The following BTK variants were observed in gnomAD, a reference collection of about 807,000 sequenced individuals.
The protein encoded by BTK is tyrosine-protein kinase BTK.
A neutral mutation model predicts 57.4 loss-of-function variants in BTK; 5 were observed. The observed-to-expected ratio is 0.09, with a 90% confidence interval of 0.05 to 0.18. The LOEUF is 0.18. BTK is among the 10% of genes least tolerant of loss of function. BTK has a pLI of 1.00. For missense variants in BTK, 194 were observed against 501.2 expected, an observed-to-expected ratio of 0.39 and a Z score of 5.85; for synonymous variants, 154 against 174.3, an observed-to-expected ratio of 0.88 and a Z score of 0.92.
chrX:101,380,217 C>T (rs1927367360), intron 1 of BTK, among the ~76,000 whole-genome samples: 1 of 111,542 alleles, frequency 9.0e-6, no homozygotes, highest in Admixed American at 9.6e-5. Flanking sequence ...AGCGATCCTC[C>T]TGCCTCAGCC....
At chrX:101,359,212 G>T in intron 10 of BTK, 81 bp downstream of exon 10, 3 of 1,055,469 alleles carry the variant, frequency 2.8e-6, no homozygotes, top group Non-Finnish European at 4.0e-6. Context: ...CTTGCCCAAA[G>T]GTAGGGGGCA....
upstream of BTK, among the ~76,000 whole-genome samples, chrX:101,389,074 A>G (rs1927703397): frequency 9.0e-6 from 1 of 111,615 alleles, no homozygotes; most frequent in Non-Finnish European, 1.9e-5. Context: ...ATAGTTAATA[A>G]TACTGTATTA....
At chrX:101,350,432 G>T (rs1602999026) in intron 18 of BTK, among the ~76,000 whole-genome samples, 2 of 87,617 alleles carry the variant, frequency 2.3e-5, no homozygotes, top group Admixed American at 1.3e-4. Flanking sequence ...TTTACCACTG[G>T]TAACAAAAAG....
chrX:101,359,223 G>A (rs1555978264), intron 10 of BTK, 70 bp downstream of exon 10: 5 of 1,121,434 alleles, frequency 4.5e-6, no homozygotes, highest in Non-Finnish European at 6.2e-6. Flanking sequence ...GTAGGGGGCA[G>A]AACAGGCCCT....
chrX:101,376,350 C>T (rs1927212785), intron 1 of BTK, among the ~76,000 whole-genome samples: 1 of 111,833 alleles, frequency 8.9e-6, no homozygotes, highest in African/African-American at 3.3e-5. Flanking sequence ...AACACTAGGC[C>T]GGCGCGGTGG....
At chrX:101,390,507 A>G, upstream of BTK, 1 of 515,581 alleles carries the variant, frequency 1.9e-6, no homozygotes, top group Middle Eastern at 3.1e-4. Flanking sequence ...CTGCCACATA[A>G]TGGGCATCCA....
rs1157090775 is a variant in BTK at position 101,354,534 on chromosome X, AAAAG to A, written c.1631+92_1631+95del. 19 of 951,440 alleles carry A rather than the reference AAAAG, an allele frequency of 2.0e-5. No individual in the cohort carries two copies. In the African/African-American group the frequency reaches 3.3e-4, roughly 17 times the overall value. The allele number at this position is 951,440 out of a possible 1,213,427, so 78.4% of individuals were successfully genotyped here. A position where few individuals can be genotyped will look rare whatever the true frequency, so the allele number is the denominator to read the frequency against. ...GGCAGAAAACGCTAGAATGAGAAAAAAAAGAAAAGGAGAGGATTAAAACTGTAAC... is the reference window on the plus strand; with the variant it reads ...GGCAGAAAACGCTAGAATGAGAAAAAAAAAGGAGAGGATTAAAACTGTAAC... On this transcript the variant is annotated intron_variant, in intron 16 of 18. Coordinates refer to ENST00000308731, the MANE Select transcript of BTK (RefSeq NM_000061.3).
intron 13 of BTK, 35 bp downstream of exon 13, chrX:101,357,474 C>G (rs374740187): frequency 5.1e-6 from 6 of 1,179,355 alleles, no homozygotes; most frequent in Non-Finnish European, 6.9e-6. Context: ...TTGCAACTGG[C>G]CAGTCCACCC....
chrX:101,370,162 A>G (rs1926980965), intron 4 of BTK, 83 bp from the exon 5 acceptor site: 27 of 762,081 alleles, frequency 3.5e-5, no homozygotes, highest in Middle Eastern at 5.9e-4. Flanking sequence ...CTTAGGGGAC[A>G]ATTTGTATAT....
At chrX:101,371,212 C>T (rs1248056003) in intron 4 of BTK, among the ~76,000 whole-genome samples, 1 of 112,094 alleles carries the variant, frequency 8.9e-6, no homozygotes, top group African/African-American at 3.2e-5. Flanking sequence ...TAGGTTTATG[C>T]ATAAGTCTAA....
chrX:101,355,574 A>AT, intron 15 of BTK: 1 of 120,650 alleles, frequency 8.3e-6, no homozygotes, highest in Non-Finnish European at 1.7e-5. Flanking sequence ...GAGAAGCTGG[A>AT]AATTCCAGGG....
chrX:101,370,787 A>G (rs1319183412), intron 4 of BTK, among the ~76,000 whole-genome samples: 1 of 112,454 alleles, frequency 8.9e-6, no homozygotes, highest in African/African-American at 3.2e-5. Context: ...TAAATTCTGA[A>G]GTCAAATATA....
At chrX:101,372,234 G>C (rs1372168767) in intron 3 of BTK, among the ~76,000 whole-genome samples, 2 of 111,532 alleles carry the variant, frequency 1.8e-5, no homozygotes, top group Non-Finnish European at 3.8e-5. Context: ...AAAATTGAAA[G>C]ATAAAGGATA....
chrX:101,362,378 A>G (rs1420425316), intron 6 of BTK, 138 bp from the exon 7 acceptor site: 2 of 974,164 alleles, frequency 2.1e-6, no homozygotes, highest in African/African-American at 3.8e-5. Flanking sequence ...GCCAGGTCAC[A>G]TAGCTTGGAG....
chrX:101,356,447 G>C (rs1287253965), intron 14 of BTK, 179 bp from the exon 15 acceptor site: 2 of 461,334 alleles, frequency 4.3e-6, no homozygotes, highest in African/African-American at 4.9e-5. Context: ...GAAGCAAGCA[G>C]GGATTTGGAG....
At chrX:101,351,371 GATAAAGTACC>G (rs1463977783) in intron 18 of BTK, among the ~76,000 whole-genome samples, 1 of 111,851 alleles carries the variant, frequency 8.9e-6, no homozygotes, top group Non-Finnish European at 1.9e-5. Flanking sequence ...ACAGGCTGTG[GATAAAGTACC>G]TGTCTGAAAT....
chrX:101,372,982 G>A lies in BTK; in HGVS notation c.241-1281C>T, dbSNP rs942039543. Among the ~76,000 whole-genome samples the A allele has an allele frequency of 3.7e-5, 4 of 108,197 alleles. No individual in the cohort carries two copies. In the Admixed American group the frequency reaches 4.0e-4, roughly 11 times the overall value. 94.0% of individuals were successfully genotyped at this position (108,197 alleles called of 115,157 possible). Reference sequence around the variant, plus strand: ...GCCTGTAGTCCCAGCTACTCAGGAGGCTGGGGCAGGAGAATCACTTGAACC... The same window carrying A: ...GCCTGTAGTCCCAGCTACTCAGGAGACTGGGGCAGGAGAATCACTTGAACC... On this transcript the variant is annotated intron_variant, in intron 3 of 18. Coordinates refer to ENST00000308731, the MANE Select transcript of BTK (RefSeq NM_000061.3).
At chrX:101,355,813 T>G in intron 15 of BTK, 1 of 422,995 alleles carries the variant, frequency 2.4e-6, no homozygotes. Flanking sequence ...TTGTGGGTGG[T>G]AGGGGGTTGG....
Position 101,360,563 on chromosome X carries a change from C to T in BTK, c.776+5G>A. ...CAGGCTCAGGAAGGGCTGGTGTGGA[C>T]TCACCCATTTTTATCTCGTGCTCTC... On this transcript the variant is annotated splice_donor_5th_base_variant and intron_variant, in intron 8 of 18. Transcript: ENST00000308731. 8.3e-7 allele frequency: 1 copy of T among 1,211,176 alleles called. No homozygotes were observed. The highest frequency in any genetic ancestry group is 1.1e-6 in the Non-Finnish European group (1 of 895,132).
Sources: allele counts gnomAD v4.1 joint callset (sites outside exome capture counted in the v4.1 genomes callset), GRCh38; gene constraint gnomAD v4.1.1; transcripts MANE v1.5; gene names NCBI Gene and HGNC (gene_info 2026-07-23, HGNC 2026-07-21).